Variants in MAST4 observed in about 807,000 individuals in gnomAD.
MAST4 encodes microtubule-associated serine/threonine-protein kinase 4.
A neutral mutation model predicts 162.7 loss-of-function variants in MAST4; 89 were observed. That is an observed-to-expected ratio of 0.55 (90% confidence interval 0.46 to 0.65). The LOEUF (loss-of-function observed/expected upper bound fraction) is 0.65. Among genes scored for constraint, MAST4 ranks in the 30% least tolerant of loss-of-function variants. MAST4 has a pLI of 0.00. For synonymous variants in MAST4, 1,479 were observed against 1,361.1 expected (o/e 1.09, Z -1.91); for missense variants, 3,153 against 3,374.0 (o/e 0.93, Z 1.62).
chr5:66,956,248 C>T (rs887687312), intron 4 of MAST4, among the ~76,000 whole-genome samples: 12 of 152,178 alleles, frequency 7.9e-5, no homozygotes, highest in African/African-American at 2.9e-4. Flanking sequence ...TATTGTTTAA[C>T]ACATTCCCTT....
intron 12 of MAST4, chr5:67,114,643 G>C (rs1221179559): frequency 5.6e-6 from 1 of 179,258 alleles, no homozygotes; most frequent in Admixed American, 6.0e-5. Flanking sequence ...TGCAATTGAT[G>C]GTAGATTACT....
chr5:66,944,298 T>C lies in MAST4; in HGVS notation c.674+44316T>C, dbSNP rs147140913. ...TGTAAAGTTGCTTCAAAGGTCACCA[T>C]CTTCTACCCTTTGGTGGTGGTTCTG... On this transcript the variant is annotated intron_variant, in intron 4 of 28. Coordinates refer to ENST00000403625, the MANE Select transcript of MAST4 (RefSeq NM_001164664.2). Among the ~76,000 whole-genome samples, 387 of 152,256 alleles carry C rather than the reference T, an allele frequency of 2.5e-3. 3 individuals carry two copies. The highest frequency in any genetic ancestry group is 8.9e-3 in the African/African-American group (370 of 41,556).
intron 1 of MAST4, among the ~76,000 whole-genome samples, chr5:66,728,532 A>G (rs976510185): frequency 1.3e-5 from 2 of 152,218 alleles, no homozygotes; most frequent in Admixed American, 1.3e-4. Context: ...TCGTAGGTCT[A>G]CAGTGCATGT....
rs573323664 is a variant in MAST4, at chr5:66,869,978, A to G, written c.643-29973A>G. On this transcript the variant is annotated intron_variant, in intron 3 of 28. Coordinates refer to ENST00000403625, the MANE Select transcript of MAST4 (RefSeq NM_001164664.2). The stretch of plus-strand genomic sequence containing the variant: ...GAGAGGTGGAGAAGTAAAACTCTAT[A>G]CCATTAATGAGGCCCCATTCCAAAC... Among the ~76,000 whole-genome samples, 13 of 152,268 alleles carry G rather than the reference A, an allele frequency of 8.5e-5. No individual in the cohort carries two copies. In the South Asian group the frequency reaches 2.5e-3, roughly 29 times the overall value.
intron 1 of MAST4, chr5:66,738,221 C>G (rs1333873554): frequency 1.3e-5 from 2 of 152,162 alleles, no homozygotes; most frequent in Non-Finnish European, 2.9e-5. Flanking sequence ...ACAGAGCAGC[C>G]CCCATTTGGA....
intron 1 of MAST4, among the ~76,000 whole-genome samples, chr5:66,652,433 G>C (rs1050261154): frequency 2.6e-5 from 4 of 152,108 alleles, no homozygotes; most frequent in African/African-American, 9.7e-5. Context: ...CATTAGCTTG[G>C]CTTATTTATT....
chr5:66,625,492 A>G (rs968077600), intron 1 of MAST4, among the ~76,000 whole-genome samples: 1 of 152,242 alleles, frequency 6.6e-6, no homozygotes, highest in Non-Finnish European at 1.5e-5. Context: ...ACAACTCAAT[A>G]CCAAAAATAC....
chr5:66,840,596 C>G (rs1448945005), intron 3 of MAST4, among the ~76,000 whole-genome samples: 1 of 152,168 alleles, frequency 6.6e-6, no homozygotes, highest in Non-Finnish European at 1.5e-5. Flanking sequence ...CCCTCCACCT[C>G]TTGACTCTGG....
chr5:66,689,187 T>A (rs755712931), intron 1 of MAST4, among the ~76,000 whole-genome samples: 28 of 152,182 alleles, frequency 1.8e-4, no homozygotes, highest in Non-Finnish European at 3.7e-4. Context: ...GAAAATTTCT[T>A]CATGTTTGTG....
intron 4 of MAST4, among the ~76,000 whole-genome samples, chr5:66,928,447 T>C (rs1765065101): frequency 6.6e-6 from 1 of 152,202 alleles, no homozygotes; most frequent in Non-Finnish European, 1.5e-5. Context: ...TACGAGTTGC[T>C]CTTTGCTGCT....
chr5:66,985,994 A>G (rs772755584), intron 4 of MAST4, among the ~76,000 whole-genome samples: 11 of 152,212 alleles, frequency 7.2e-5, no homozygotes, highest in Non-Finnish European at 1.3e-4. Flanking sequence ...ATTGCCAATA[A>G]TGATCCCACG....
intron 4 of MAST4, among the ~76,000 whole-genome samples, chr5:66,948,995 A>G (rs1228386712): frequency 6.6e-6 from 1 of 152,146 alleles, no homozygotes; most frequent in Non-Finnish European, 1.5e-5. Context: ...TCAGATATAT[A>G]TATATTAGAT....
At chr5:67,028,393 G>T (rs1050649624) in intron 4 of MAST4, among the ~76,000 whole-genome samples, 1 of 152,122 alleles carries the variant, frequency 6.6e-6, no homozygotes, top group African/African-American at 2.4e-5. Flanking sequence ...TTTTGTACAG[G>T]ACAATAAGAT....
intron 1 of MAST4, among the ~76,000 whole-genome samples, chr5:66,739,317 G>A (rs1227378853): frequency 6.6e-6 from 1 of 152,116 alleles, no homozygotes; most frequent in East Asian, 1.9e-4. Context: ...TCGGTTGTGG[G>A]GGCAGCAGTC....
intron 1 of MAST4, 133 bp downstream of exon 1, chr5:66,597,151 C>G (rs1413548471): frequency 8.6e-7 from 1 of 1,165,534 alleles, no homozygotes; most frequent in Non-Finnish European, 1.1e-6. Flanking sequence ...CGCTCTGCCC[C>G]GAGCACGGGA....
At chr5:66,762,963 C>T (rs768132435) in intron 2 of MAST4, among the ~76,000 whole-genome samples, 52 of 152,176 alleles carry the variant, frequency 3.4e-4, no homozygotes, top group Non-Finnish European at 7.1e-4. Flanking sequence ...TAAAAGCTTA[C>T]TGTGTAGCAG....
chr5:66,852,933 T>C (rs939239497), intron 3 of MAST4, among the ~76,000 whole-genome samples: 3 of 152,176 alleles, frequency 2.0e-5, no homozygotes, highest in African/African-American at 7.2e-5. Context: ...TGTTTGAAAG[T>C]GGAAAACAGA....
intron 4 of MAST4, among the ~76,000 whole-genome samples, chr5:66,983,927 C>T (rs1422937796): frequency 6.6e-6 from 1 of 152,162 alleles, no homozygotes; most frequent in African/African-American, 2.4e-5. Context: ...AATCTTTTGG[C>T]TGACAGTGCT....
intron 3 of MAST4, among the ~76,000 whole-genome samples, chr5:66,870,102 C>T (rs1760818438): frequency 6.6e-6 from 1 of 152,116 alleles, no homozygotes; most frequent in South Asian, 2.1e-4. Context: ...ACCCATATGT[C>T]CAATATGTAT....
Sources: gnomAD v4.1 joint callset for allele counts (sites outside exome capture counted in the v4.1 genomes callset) on GRCh38, gnomAD v4.1.1 for gene constraint, MANE v1.5 for transcripts, NCBI Gene and HGNC (gene_info 2026-07-23, HGNC 2026-07-21) for gene names.